GRIK3: variants seen among roughly 807,000 people sequenced by gnomAD.
The protein encoded by GRIK3 is glutamate ionotropic receptor kainate type subunit 3.
In GRIK3, 29 loss-of-function variants were observed where a neutral mutation model predicts 102.5. The observed-to-expected ratio is 0.28, with a 90% CI of 0.21 to 0.39. The LOEUF (loss-of-function observed/expected upper bound fraction) is 0.39, where lower values mean the gene tolerates loss of function less well. GRIK3 is among the 10% of genes least tolerant of loss of function. The pLI, the probability that GRIK3 is intolerant of heterozygous loss-of-function variation, is 1.00. For synonymous variants in GRIK3, 511 were observed against 504.9 expected, an observed-to-expected ratio of 1.01 and a Z score of -0.16; for missense variants, 908 against 1,252.4, an observed-to-expected ratio of 0.73 and a Z score of 4.15.
In GRIK3 at chr1:36,975,227, G is replaced by C. The variant is rs554099602; in HGVS notation, c.115+58767C>G. Among the ~76,000 whole-genome samples the C allele has an allele frequency of 9.3e-5, 14 of 150,168 alleles. 1 individual carries two copies. The highest frequency in any genetic ancestry group is 3.4e-4 in the African/African-American group (14 of 40,622). On this transcript the variant is annotated intron_variant, in intron 1 of 15. Coordinates refer to ENST00000373091, the MANE Select transcript of GRIK3 (RefSeq NM_000831.4). ...ACATAAATAGCACATTGGGACTCAG[G>C]TTTTCACAGATAACATCACCCAGGA... is the stretch of plus-strand genomic sequence containing the variant.
chr1:36,929,670 C>T (rs923627430), intron 1 of GRIK3, among the ~76,000 whole-genome samples: 1 of 152,188 alleles, frequency 6.6e-6, no homozygotes, highest in African/African-American at 2.4e-5. Flanking sequence ...GTCTGGGAAG[C>T]ACCATATTCG....
At chr1:36,973,416 C>CT (rs35394730) in intron 1 of GRIK3, among the ~76,000 whole-genome samples, 2,131 of 114,964 alleles carry the variant, frequency 0.019, 49 homozygotes, top group East Asian at 0.036. Flanking sequence ...CTTCTTTTTC[C>CT]TTTTTTTTTT....
chr1:36,977,411 T>G (rs889988300), intron 1 of GRIK3, among the ~76,000 whole-genome samples: 1 of 152,206 alleles, frequency 6.6e-6, no homozygotes, highest in Non-Finnish European at 1.5e-5. Flanking sequence ...GAGAGCACTC[T>G]TACCATTGTG....
intron 1 of GRIK3, among the ~76,000 whole-genome samples, chr1:36,926,951 C>T (rs190068250): frequency 5.3e-5 from 8 of 152,276 alleles, no homozygotes; most frequent in Admixed American, 3.3e-4. Flanking sequence ...GAATTTCAGA[C>T]GTCATAGAGC....
At chr1:37,012,820 C>T (rs567296744) in intron 1 of GRIK3, among the ~76,000 whole-genome samples, 1 of 152,316 alleles carries the variant, frequency 6.6e-6, no homozygotes, top group African/African-American at 2.4e-5. Context: ...AACTGGGGCT[C>T]CTCAGTCCTG....
chr1:36,942,805 G>T (rs1043571119), intron 1 of GRIK3, among the ~76,000 whole-genome samples: 1 of 152,100 alleles, frequency 6.6e-6, no homozygotes, highest in Non-Finnish European at 1.5e-5. Flanking sequence ...TGGCTCCTGG[G>T]CACTAACCAT....
intron 1 of GRIK3, among the ~76,000 whole-genome samples, chr1:36,998,085 G>C (rs918791329): frequency 2.0e-5 from 3 of 152,182 alleles, no homozygotes; most frequent in African/African-American, 7.2e-5. Flanking sequence ...GAATGGGAGG[G>C]GGCAGTGTTG....
chr1:36,808,205 C>T (rs1642521676), intron 13 of GRIK3, among the ~76,000 whole-genome samples: 1 of 152,200 alleles, frequency 6.6e-6, no homozygotes, highest in Admixed American at 6.5e-5. Flanking sequence ...CAGATTCTCC[C>T]ACCTCCAACC....
intron 12 of GRIK3, among the ~76,000 whole-genome samples, chr1:36,818,249 AGAG>A (rs1642652845): frequency 6.6e-6 from 1 of 152,244 alleles, no homozygotes; most frequent in African/African-American, 2.4e-5. Context: ...AGGAGGTGGA[AGAG>A]GAGAAGCTAT....
At chr1:36,997,283 C>T (rs1308684554) in intron 1 of GRIK3, among the ~76,000 whole-genome samples, 2 of 152,140 alleles carry the variant, frequency 1.3e-5, no homozygotes, top group Non-Finnish European at 2.9e-5. Context: ...AGGTTTATGG[C>T]GCGTTCTGTT....
At chr1:36,920,917 G>T (rs1205683699) in intron 1 of GRIK3, among the ~76,000 whole-genome samples, 1 of 152,220 alleles carries the variant, frequency 6.6e-6, no homozygotes, top group African/African-American at 2.4e-5. Context: ...ATCCCTGCAT[G>T]CCTGCTGCCT....
In GRIK3 at chr1:36,817,341, T is replaced by G; in HGVS notation, c.1874-64A>C. The G allele has an allele frequency of 2.7e-6, 3 of 1,096,856 alleles. No homozygotes were observed. The South Asian group carries it at 3.9e-5, about 14-fold the overall frequency. The allele number at this position is 1,096,856 out of a possible 1,614,324, so 67.9% of individuals were successfully genotyped here. ...CCAGACTAGCGCTGCTCAAGTCCCC[T>G]GGGTCATGGATTCCTCTGATACTCT... On this transcript the variant is annotated intron_variant, in intron 12 of 15. Transcript: ENST00000373091.
In GRIK3 at chr1:36,799,577, G is replaced by A. The variant is rs568972648; in HGVS notation, c.*2274C>T. ...TTTGGCTAGCTGCAGGTAAGATCCT[G>A]ATCTCCATCCTATGCCATTCAGTGT... On this transcript the variant is annotated 3_prime_UTR_variant, in exon 16 of 16. Coordinates refer to ENST00000373091, the MANE Select transcript of GRIK3 (RefSeq NM_000831.4). 6.6e-6 allele frequency: 1 copy of A among 152,218 alleles called. No homozygotes were observed. Among genetic ancestry groups the A allele is most frequent in the East Asian group, 1.9e-4 (1 of 5,160 alleles). 9.4% of individuals were successfully genotyped at this position (152,218 alleles called of 1,614,324 possible).
chr1:37,027,192 C>A (rs1341863525), intron 1 of GRIK3, among the ~76,000 whole-genome samples: 1 of 151,932 alleles, frequency 6.6e-6, no homozygotes, highest in Non-Finnish European at 1.5e-5. Context: ...CAGTGTGGAC[C>A]CTGGAGGCGA....
At chr1:36,942,411 G>T (rs185759815) in intron 1 of GRIK3, among the ~76,000 whole-genome samples, 1 of 152,280 alleles carries the variant, frequency 6.6e-6, no homozygotes, top group Non-Finnish European at 1.5e-5. Context: ...AGGCTCCTCT[G>T]GTAAAGACCT....
chr1:36,810,438 A>C (rs2124182175), intron 13 of GRIK3, among the ~76,000 whole-genome samples: 1 of 152,352 alleles, frequency 6.6e-6, no homozygotes, highest in Admixed American at 6.5e-5. Context: ...TTTTTTTATC[A>C]GCAAAATTGG....
At chr1:36,949,648 C>T (rs1641822779) in intron 1 of GRIK3, among the ~76,000 whole-genome samples, 1 of 138,260 alleles carries the variant, frequency 7.2e-6, no homozygotes, top group Admixed American at 8.0e-5. Context: ...AACCTTGGCT[C>T]ACTGCAACCT....
Position 36,802,027 on chromosome 1 carries a change from C to T in GRIK3, c.2584G>A (p.Val862Met), listed in dbSNP as rs182190841. 284 of 1,611,858 alleles carry T rather than the reference C, an allele frequency of 1.8e-4. No homozygotes were observed. Among genetic ancestry groups the T allele is most frequent in the Admixed American group, 4.2e-4 (25 of 59,872 alleles). The change falls in exon 16 of 16, where the codon GTG (valine) becomes ATG (methionine). Residue 862 changes from valine to methionine, a missense_variant. By Grantham distance (21) the Val-to-Met change is conservative. Coordinates refer to ENST00000373091, the MANE Select transcript of GRIK3 (RefSeq NM_000831.4). ...AGGGAGAAACGGATCTCATCGGCCA[C>T]GGTGCTGCAGAAGGAACGCTGCAGG... ...EREQRSFCSTVADEIRFSLTC... is the reference protein window; with the variant it reads ...EREQRSFCSTMADEIRFSLTC...
At chr1:36,840,759 T>G (rs992026578) in intron 10 of GRIK3, among the ~76,000 whole-genome samples, 12 of 152,032 alleles carry the variant, frequency 7.9e-5, no homozygotes, top group African/African-American at 2.9e-4. Flanking sequence ...ATAAAGAAAT[T>G]GAGCCTTAGT....
Sources: gnomAD v4.1 joint callset for allele counts (sites outside exome capture counted in the v4.1 genomes callset) on GRCh38, gnomAD v4.1.1 for gene constraint, MANE v1.5 for transcripts, NCBI Gene and HGNC (gene_info 2026-07-23, HGNC 2026-07-21) for gene names.